The following PLEKHA8 variants were observed in gnomAD, a reference collection of about 807,000 sequenced individuals.
PLEKHA8 encodes pleckstrin homology domain containing A8.
PLEKHA8 carries 36 observed loss-of-function variants against 68.2 expected under a neutral mutation model. The observed-to-expected ratio is 0.53, with a 90% CI of 0.40 to 0.70. The LOEUF is 0.70. Among genes scored for constraint, PLEKHA8 ranks in the 30% least tolerant of loss-of-function variants. The pLI is 0.00. For missense variants in PLEKHA8, 505 were observed against 615.4 expected, an observed-to-expected ratio of 0.82 and a Z score of 1.90; for synonymous variants, 211 against 216.1, an observed-to-expected ratio of 0.98 and a Z score of 0.20.
Position 30,098,046 on chromosome 7 carries a change from T to A in PLEKHA8, c.1362+23914T>A, listed in dbSNP as rs1206508240. ...TGTTTGTTAGTTTTCCTTCTAACAG[T>A]CAGGACCCTCAGCTGCAGGTCTGTT... On this transcript the variant is annotated intron_variant, in intron 13 of 13. Transcript: ENST00000396257. Among the ~76,000 whole-genome samples, 6 of 152,342 alleles carry A rather than the reference T, an allele frequency of 3.9e-5. No individual in the cohort carries two copies. In the South Asian group the frequency reaches 1.0e-3, roughly 26 times the overall value.
At chr7:30,078,091 A>G (rs1039410583) in intron 13 of PLEKHA8, among the ~76,000 whole-genome samples, 2 of 152,230 alleles carry the variant, frequency 1.3e-5, no homozygotes, top group Non-Finnish European at 1.5e-5. Flanking sequence ...CTTCCTTTCT[A>G]GAAAGCATTC....
downstream of PLEKHA8, among the ~76,000 whole-genome samples, chr7:30,086,437 C>T (rs1296735901): frequency 6.6e-6 from 1 of 152,200 alleles, no homozygotes; most frequent in African/African-American, 2.4e-5. Context: ...CATTTCTGTT[C>T]TTCAGCTGTA....
intron 13 of PLEKHA8, among the ~76,000 whole-genome samples, chr7:30,100,694 C>T (rs1795818030): frequency 1.3e-5 from 2 of 152,070 alleles, no homozygotes; most frequent in African/African-American, 4.8e-5. Context: ...CTGTTGTCAC[C>T]ATAACCACTT....
chr7:30,051,047 A>G lies in PLEKHA8; in HGVS notation c.638+573A>G, dbSNP rs1052158441. Among the ~76,000 whole-genome samples, 10 of 152,220 alleles carry G rather than the reference A, an allele frequency of 6.6e-5. No individual in the cohort carries two copies. The South Asian group carries it at 1.7e-3, about 25-fold the overall frequency. On this transcript the variant is annotated intron_variant, in intron 6 of 13. Coordinates refer to ENST00000449726, the MANE Select transcript of PLEKHA8 (RefSeq NM_001197026.2). ...CCCAAGTAGCTGGGACTATAGGTGC[A>G]TGCCACCATGCCTGGCTAATTTTTG... is the stretch of plus-strand genomic sequence containing the variant.
At chr7:30,117,138 G>T (rs1228581449) in intron 13 of PLEKHA8, among the ~76,000 whole-genome samples, 1 of 152,186 alleles carries the variant, frequency 6.6e-6, no homozygotes, top group African/African-American at 2.4e-5. Context: ...AGGCAGGCAG[G>T]GTCAAGGATA....
At chr7:30,073,998 A>AT in intron 12 of PLEKHA8, 73 bp from the exon 13 acceptor site, 2 of 1,344,520 alleles carry the variant, frequency 1.5e-6, no homozygotes, top group East Asian at 2.4e-5. Flanking sequence ...TAAAAAAAAA[A>AT]AAAGTACATT....
chr7:30,080,052 C>G lies in PLEKHA8; in HGVS notation c.*1265C>G, dbSNP rs1208019303. On this transcript the variant is annotated 3_prime_UTR_variant, in exon 14 of 14. Coordinates refer to ENST00000449726, the MANE Select transcript of PLEKHA8 (RefSeq NM_001197026.2). ...TTTGCATTGCATTCGGGGACCATGA[C>G]TCTGAATCTGCTTACCAATCAATCT... 3 of 985,210 alleles carry G rather than the reference C, an allele frequency of 3.0e-6. No individual in the cohort carries two copies. Among genetic ancestry groups the G allele is most frequent in the Non-Finnish European group, 3.6e-6 (3 of 829,930 alleles). 61.0% of individuals were successfully genotyped at this position (985,210 alleles called of 1,614,324 possible). A position where few individuals can be genotyped will look rare whatever the true frequency, so the allele number is the denominator to read the frequency against.
At chr7:30,120,495 T>G (rs1285902804) in intron 13 of PLEKHA8, among the ~76,000 whole-genome samples, 1 of 152,260 alleles carries the variant, frequency 6.6e-6, no homozygotes, top group African/African-American at 2.4e-5. Flanking sequence ...TGGCCAGAAC[T>G]CTGCGATTGG....
At position 30,081,294 on chromosome 7, in the gene PLEKHA8, C is replaced by G; in HGVS notation, c.*2507C>G. On this transcript the variant is annotated 3_prime_UTR_variant, in exon 14 of 14. Coordinates refer to ENST00000449726, the MANE Select transcript of PLEKHA8 (RefSeq NM_001197026.2). ...CCCCACTGGAGCATATTACGTTTGC[C>G]TAAGATGTATAAAAGTTTGTTTAAG... 1 of 985,094 alleles carries G rather than the reference C, an allele frequency of 1.0e-6. No individual in the cohort carries two copies. Among genetic ancestry groups the G allele is most frequent in the Non-Finnish European group, 1.2e-6 (1 of 829,826 alleles). The allele number at this position is 985,094 out of a possible 1,614,324, so 61.0% of individuals were successfully genotyped here. A position where few individuals can be genotyped will look rare whatever the true frequency, so the allele number is the denominator to read the frequency against.
chr7:30,078,289 G>A (rs564990431), intron 13 of PLEKHA8, among the ~76,000 whole-genome samples: 181 of 152,238 alleles, frequency 1.2e-3, no homozygotes, highest in African/African-American at 3.6e-3. Context: ...TCACACTGTG[G>A]ATCAGAAGGG....
At chr7:30,110,574 G>GT (rs1378751114) in intron 13 of PLEKHA8, among the ~76,000 whole-genome samples, 1 of 152,174 alleles carries the variant, frequency 6.6e-6, no homozygotes, top group East Asian at 1.9e-4. Context: ...TGGTAACTGT[G>GT]TTTAACATTT....
rs185819536 is a variant in PLEKHA8 at position 30,084,411 on chromosome 7, G to A, written c.*5624G>A. ...AGTTAAACTATAAAAGTGTCAAGTG[G>A]CTTGTTAACTTCTTAATTTAATGGA... On this transcript the variant is annotated 3_prime_UTR_variant, in exon 14 of 14. Coordinates refer to ENST00000449726, the MANE Select transcript of PLEKHA8 (RefSeq NM_001197026.2). The A allele has an allele frequency of 8.8e-5, 87 of 985,330 alleles. 1 individual carries two copies. The African/African-American group carries it at 1.3e-3, about 15-fold the overall frequency. The allele number at this position is 985,330 out of a possible 1,614,324, so 61.0% of individuals were successfully genotyped here.
chr7:30,045,236 C>G (rs1791860302), intron 2 of PLEKHA8, 35 bp downstream of exon 2: 1 of 1,518,802 alleles, frequency 6.6e-7, no homozygotes, highest in Non-Finnish European at 9.0e-7. Flanking sequence ...TTTTATTTTT[C>G]TTTCTGTTTT....
intron 9 of PLEKHA8, among the ~76,000 whole-genome samples, chr7:30,056,312 C>CTCTCTCTCTCTCTATATATA (rs796845171): frequency 1.5e-4 from 14 of 94,556 alleles, no homozygotes; most frequent in South Asian, 7.7e-4. Context: ...CTCTCTCTCT[C>CTCTCTCTCTCTCTATATATA]TATATATATA....
chr7:30,126,623 GAT>G (rs919417988), intron 13 of PLEKHA8, among the ~76,000 whole-genome samples: 71 of 152,166 alleles, frequency 4.7e-4, no homozygotes, highest in African/African-American at 1.6e-3. Context: ...TCACACTGCT[GAT>G]AAAGACATAC....
Position 30,115,458 on chromosome 7 carries a change from G to A in PLEKHA8, c.1363-13808G>A, listed in dbSNP as rs570379808. On this transcript the variant is annotated intron_variant, in intron 13 of 13. Transcript: ENST00000396257. ...TACATATATACATGTATATATGTAT[G>A]CATATGTATACACACATGTATACGT... Among the ~76,000 whole-genome samples the A allele has an allele frequency of 4.7e-4, 71 of 151,818 alleles. 3 individuals carry two copies. In the South Asian group the frequency reaches 0.014, roughly 30 times the overall value.
chr7:30,070,323 C>A (rs1794151060), intron 12 of PLEKHA8, among the ~76,000 whole-genome samples: 1 of 152,100 alleles, frequency 6.6e-6, no homozygotes, highest in Non-Finnish European at 1.5e-5. Flanking sequence ...CTACTAGGGC[C>A]AAGTGGGAAG....
intron 11 of PLEKHA8, 54 bp downstream of exon 11, chr7:30,062,081 A>G (rs1446518913): frequency 1.9e-6 from 3 of 1,562,336 alleles, no homozygotes; most frequent in Non-Finnish European, 1.7e-6. Context: ...AAAAATTACC[A>G]GCAAAAAAAA....
At chr7:30,086,967 C>T (rs527244095), downstream of PLEKHA8, among the ~76,000 whole-genome samples, 189 of 152,222 alleles carry the variant, frequency 1.2e-3, 1 homozygote, top group African/African-American at 4.3e-3. Context: ...AATTGATGAA[C>T]GATGATGGTC....
Sources: allele counts gnomAD v4.1 joint callset (sites outside exome capture counted in the v4.1 genomes callset), GRCh38; gene constraint gnomAD v4.1.1; transcripts MANE v1.5; gene names NCBI Gene and HGNC (gene_info 2026-07-23, HGNC 2026-07-21).